Variants in LHFPL6 observed in about 807,000 individuals in gnomAD.
LHFPL6 encodes LHFPL tetraspan subfamily member 6 protein.
Under a neutral mutation model 20.6 loss-of-function variants are expected in LHFPL6, and 9 were observed. The observed-to-expected ratio is 0.44, with a 90% CI of 0.26 to 0.76. The LOEUF is 0.76. Ranked by LOEUF, LHFPL6 falls within the 30% of genes least tolerant of loss-of-function variation. The pLI is 0.20. For missense variants in LHFPL6, 218 were observed against 253.5 expected, an observed-to-expected ratio of 0.86 and a Z score of 0.95; for synonymous variants, 105 against 98.7, an observed-to-expected ratio of 1.06 and a Z score of -0.38.
At chr13:39,389,271 T>C (rs1439034488) in intron 2 of LHFPL6, among the ~76,000 whole-genome samples, 1 of 152,016 alleles carries the variant, frequency 6.6e-6, no homozygotes, top group Non-Finnish European at 1.5e-5. Context: ...ACTAGTGGGG[T>C]GTGAGTAACC....
intron 2 of LHFPL6, among the ~76,000 whole-genome samples, chr13:39,481,353 C>A (rs1713257439): frequency 6.6e-6 from 1 of 152,226 alleles, no homozygotes; most frequent in African/African-American, 2.4e-5. Flanking sequence ...TTAAAACAGA[C>A]AAGGTTGCCA....
intron 2 of LHFPL6, among the ~76,000 whole-genome samples, chr13:39,483,328 C>T (rs142431862): frequency 6.6e-6 from 1 of 152,036 alleles, no homozygotes; most frequent in Non-Finnish European, 1.5e-5. Flanking sequence ...GTGCTTGGAG[C>T]AAGGACTTGA....
Position 39,546,296 on chromosome 13 carries a change from A to G in LHFPL6, c.385+54536T>C, listed in dbSNP as rs966891949. On this transcript the variant is annotated intron_variant, in intron 2 of 3. Transcript: ENST00000379589. ...TTAAAATGTGGCCTATGTTCTCATCAGCATTACAAACCACTTCTGATCCTT... is the reference window on the plus strand; with the variant it reads ...TTAAAATGTGGCCTATGTTCTCATCGGCATTACAAACCACTTCTGATCCTT... 3.3e-5 allele frequency among the ~76,000 whole-genome samples: 5 copies of G among 152,242 alleles called. No individual in the cohort carries two copies. The East Asian group carries it at 7.7e-4, about 24-fold the overall frequency.
rs200174481 is a variant in LHFPL6 at position 39,509,304 on chromosome 13, AT to A, written c.385+91527del. Among the ~76,000 whole-genome samples, 719 of 151,076 alleles carry A rather than the reference AT, an allele frequency of 4.8e-3. 3 individuals carry two copies. The highest frequency in any genetic ancestry group is 0.016 in the African/African-American group (643 of 41,156). ...GTATGTGATTTGCAAATAGTCATTC[AT>A]TTTTTTTTCTTTTATCCATCACACC... On this transcript the variant is annotated intron_variant, in intron 2 of 3. Coordinates refer to ENST00000379589, the MANE Select transcript of LHFPL6 (RefSeq NM_005780.3).
intron 2 of LHFPL6, among the ~76,000 whole-genome samples, chr13:39,425,570 C>G (rs891662840): frequency 6.6e-6 from 1 of 152,182 alleles, no homozygotes; most frequent in Non-Finnish European, 1.5e-5. Flanking sequence ...TTTAGCAATT[C>G]TAATACGTGT....
At chr13:39,446,603 C>T (rs376395154) in intron 2 of LHFPL6, among the ~76,000 whole-genome samples, 11 of 152,154 alleles carry the variant, frequency 7.2e-5, no homozygotes, top group East Asian at 5.8e-4. Context: ...CTGAGGATCT[C>T]GGTGATCCTC....
At chr13:39,352,935 ATGTGTG>A (rs200558788) in intron 3 of LHFPL6, among the ~76,000 whole-genome samples, 42 of 56,930 alleles carry the variant, frequency 7.4e-4, no homozygotes, top group East Asian at 4.9e-3. Flanking sequence ...ATGTATATAT[ATGTGTG>A]TATATATATA....
chr13:39,466,108 C>T (rs984645102), intron 2 of LHFPL6, among the ~76,000 whole-genome samples: 7 of 152,118 alleles, frequency 4.6e-5, no homozygotes, highest in African/African-American at 7.2e-5. Flanking sequence ...ACAGCCACTT[C>T]GGTCTATTCT....
At chr13:39,513,860 G>C (rs1311539530) in intron 2 of LHFPL6, among the ~76,000 whole-genome samples, 1 of 152,112 alleles carries the variant, frequency 6.6e-6, no homozygotes, top group Non-Finnish European at 1.5e-5. Flanking sequence ...TGTATAGTGT[G>C]ATCCCTACCG....
intron 2 of LHFPL6, among the ~76,000 whole-genome samples, chr13:39,531,866 C>T (rs9576837): frequency 0.014 from 2,153 of 152,168 alleles, 47 homozygotes; most frequent in East Asian, 0.094. Context: ...GAAAAGGTCA[C>T]GTGATATATG....
chr13:39,431,391 G>A (rs551937992), intron 2 of LHFPL6, among the ~76,000 whole-genome samples: 9 of 152,126 alleles, frequency 5.9e-5, no homozygotes, highest in East Asian at 1.9e-4. Flanking sequence ...CAGGGTCCAC[G>A]GCTTCATTCT....
chr13:39,380,661 T>G (rs1870414921), intron 2 of LHFPL6, among the ~76,000 whole-genome samples: 1 of 151,888 alleles, frequency 6.6e-6, no homozygotes, highest in African/African-American at 2.4e-5. Flanking sequence ...CCCAGCTAAT[T>G]TTTGTATTTT....
intron 2 of LHFPL6, among the ~76,000 whole-genome samples, chr13:39,431,731 T>C (rs1871814638): frequency 7.5e-6 from 1 of 132,916 alleles, no homozygotes; most frequent in Non-Finnish European, 1.6e-5. Flanking sequence ...GGGGGGGGGC[T>C]TCCTCTCATA....
intron 2 of LHFPL6, among the ~76,000 whole-genome samples, chr13:39,417,138 C>A (rs1396338007): frequency 6.6e-6 from 1 of 152,170 alleles, no homozygotes; most frequent in Admixed American, 6.5e-5. Flanking sequence ...TGTCCAGTGT[C>A]TTTTCTCTTC....
intron 2 of LHFPL6, among the ~76,000 whole-genome samples, chr13:39,558,727 G>T (rs923320832): frequency 6.6e-6 from 1 of 152,192 alleles, no homozygotes; most frequent in Non-Finnish European, 1.5e-5. Context: ...AAATGCTATA[G>T]AGAGGAGAAG....
At chr13:39,495,611 T>C (rs1381219562) in intron 2 of LHFPL6, among the ~76,000 whole-genome samples, 1 of 151,906 alleles carries the variant, frequency 6.6e-6, no homozygotes, top group Non-Finnish European at 1.5e-5. Flanking sequence ...GGCTTTTTTT[T>C]TTTTTGTAAG....
intron 2 of LHFPL6, among the ~76,000 whole-genome samples, chr13:39,473,616 A>T (rs1253027942): frequency 6.6e-6 from 1 of 152,028 alleles, no homozygotes; most frequent in Non-Finnish European, 1.5e-5. Flanking sequence ...GCACACTCAG[A>T]TCTTCTTTCT....
At chr13:39,366,323 C>T (rs1021089517) in intron 3 of LHFPL6, among the ~76,000 whole-genome samples, 2 of 152,126 alleles carry the variant, frequency 1.3e-5, no homozygotes, top group Non-Finnish European at 2.9e-5. Context: ...TTTTAATATT[C>T]ATCATGCTAT....
chr13:39,590,328 C>T (rs1872558972), intron 2 of LHFPL6, among the ~76,000 whole-genome samples: 1 of 152,172 alleles, frequency 6.6e-6, no homozygotes, highest in African/African-American at 2.4e-5. Flanking sequence ...CATCAACACA[C>T]CAAAAGCTCT....
Sources: gnomAD v4.1 joint callset for allele counts (sites outside exome capture counted in the v4.1 genomes callset) on GRCh38, gnomAD v4.1.1 for gene constraint, MANE v1.5 for transcripts, NCBI Gene and HGNC (gene_info 2026-07-23, HGNC 2026-07-21) for gene names.